The following CCDC171 variants were observed in gnomAD, a reference collection of about 807,000 sequenced individuals.
CCDC171 encodes coiled-coil domain containing 171, also known as coiled-coil domain-containing protein 171.
Under a neutral mutation model 168.2 loss-of-function variants are expected in CCDC171, and 177 were observed. That is an observed-to-expected ratio of 1.05 (90% CI 0.93 to 1.19). The LOEUF (loss-of-function observed/expected upper bound fraction) is 1.19, where lower values mean the gene tolerates loss of function less well. CCDC171 is among the 50% of genes most tolerant of loss of function. The pLI is 0.00. For synonymous variants in CCDC171, 687 were observed against 540.8 expected (o/e 1.27, Z -3.75); for missense variants, 1,991 against 1,539.0 (o/e 1.29, Z -4.91).
intron 16 of CCDC171, among the ~76,000 whole-genome samples, chr9:15,734,622 T>C (rs1430553260): frequency 6.6e-6 from 1 of 152,196 alleles, no homozygotes; most frequent in African/African-American, 2.4e-5. Context: ...TTATCAAATA[T>C]AATTGAATAC....
At chr9:16,042,719 T>G (rs746424377), upstream of CCDC171, 3 of 152,152 alleles carry the variant, frequency 2.0e-5, no homozygotes, top group Non-Finnish European at 4.4e-5. Flanking sequence ...TGATGGAGTT[T>G]ATGTCCAGGA....
chr9:15,729,687 T>C lies in CCDC171; in HGVS notation c.1938T>C (p.Phe646=), dbSNP rs1322683891. 6.2e-7 allele frequency: 1 copy of C among 1,613,386 alleles called. No individual in the cohort carries two copies. Among genetic ancestry groups the C allele is most frequent in the Admixed American group, 1.7e-5 (1 of 59,938 alleles). ...RELQQTQEDT[F]TKVAEQIKAQ... ...TTCAGCAGACTCAGGAAGACACCTT[T>C]ACCAAAGTGGCAGAACAGATCAAAG... The change falls in exon 16 of 26, where the codon TTT becomes TTC. Residue 646 remains phenylalanine (F), a synonymous_variant. Coordinates refer to ENST00000380701, the MANE Select transcript of CCDC171 (RefSeq NM_173550.4).
intron 1 of CCDC171, among the ~76,000 whole-genome samples, chr9:15,557,174 T>G (rs2132416004): frequency 6.6e-6 from 1 of 152,280 alleles, no homozygotes; most frequent in Non-Finnish European, 1.5e-5. Flanking sequence ...TCAGGTAGTG[T>G]GATGCCTCCA....
intron 7 of CCDC171, among the ~76,000 whole-genome samples, chr9:15,646,478 C>T (rs2132658737): frequency 6.6e-6 from 1 of 152,228 alleles, no homozygotes; most frequent in African/African-American, 2.4e-5. Flanking sequence ...AGATTCAAGA[C>T]CCATCAGTGT....
At chr9:15,650,959 T>C (rs2047466153) in intron 7 of CCDC171, among the ~76,000 whole-genome samples, 1 of 152,128 alleles carries the variant, frequency 6.6e-6, no homozygotes, top group Non-Finnish European at 1.5e-5. Context: ...GACTTATTCC[T>C]TCTAACTGTA....
chr9:15,563,872 T>G (rs1337096341), intron 1 of CCDC171, 106 bp from the exon 2 acceptor site: 1 of 502,148 alleles, frequency 2.0e-6, no homozygotes, highest in Non-Finnish European at 3.5e-6. Context: ...CACCTACAAT[T>G]TCACTTATCA....
chr9:15,577,999 T>A (rs1296422209), intron 3 of CCDC171, among the ~76,000 whole-genome samples: 1 of 152,202 alleles, frequency 6.6e-6, no homozygotes, highest in Non-Finnish European at 1.5e-5. Context: ...GATCACAAAT[T>A]CGATATTCGT....
At chr9:15,632,594 C>G (rs57094172) in intron 7 of CCDC171, among the ~76,000 whole-genome samples, 4,782 of 151,640 alleles carry the variant, frequency 0.032, 223 homozygotes, top group African/African-American at 0.11. Flanking sequence ...TGGCCATACT[C>G]CCCAAGGTAA....
chr9:15,633,592 C>T (rs942001143), intron 7 of CCDC171, among the ~76,000 whole-genome samples: 11 of 152,052 alleles, frequency 7.2e-5, no homozygotes, highest in African/African-American at 2.7e-4. Context: ...TAAACTAGTT[C>T]AACCCTTGTG....
chr9:15,770,620 T>C (rs1189452816), intron 18 of CCDC171, among the ~76,000 whole-genome samples: 2 of 152,164 alleles, frequency 1.3e-5, no homozygotes, highest in Non-Finnish European at 1.5e-5. Context: ...AAATGGGAGT[T>C]ATTGATTCTT....
intron 24 of CCDC171, chr9:15,886,064 G>T (rs1489714355): frequency 1.3e-5 from 2 of 151,902 alleles, no homozygotes; most frequent in East Asian, 3.9e-4. Context: ...TTTTATTTAG[G>T]ATATCCACAT....
intron 10 of CCDC171, among the ~76,000 whole-genome samples, chr9:15,691,543 T>TA (rs60514467): frequency 0.044 from 3,424 of 77,062 alleles, 208 homozygotes; most frequent in African/African-American, 0.14. Flanking sequence ...AAATATATGT[T>TA]TTTTATATAT....
intron 21 of CCDC171, among the ~76,000 whole-genome samples, chr9:15,793,502 A>T (rs7466716): frequency 0.46 from 68,246 of 149,496 alleles, 15,943 homozygotes; most frequent in East Asian, 0.66. Flanking sequence ...TCCACCCGAA[A>T]TCAACAGAAT....
chr9:15,639,633 C>T (rs1190762743), intron 7 of CCDC171, among the ~76,000 whole-genome samples: 1 of 151,994 alleles, frequency 6.6e-6, no homozygotes, highest in Non-Finnish European at 1.5e-5. Context: ...GCCTATTGTC[C>T]TCATATATCC....
At chr9:16,078,506 A>C in the CCDC171 span, among the ~76,000 whole-genome samples, 1 of 152,194 alleles carries the variant, frequency 6.6e-6, no homozygotes. Context: ...CAGGAAGTCC[A>C]CTTGGCCTCT....
At chr9:16,092,485 C>T in the CCDC171 span, among the ~76,000 whole-genome samples, 4 of 152,172 alleles carry the variant, frequency 2.6e-5, no homozygotes, top group South Asian at 2.1e-4. Flanking sequence ...TGCTCCACTT[C>T]CCCCTTTGTT....
intron 24 of CCDC171, among the ~76,000 whole-genome samples, chr9:15,892,789 C>T (rs1256227595): frequency 2.6e-5 from 4 of 152,036 alleles, no homozygotes; most frequent in African/African-American, 9.7e-5. Context: ...TCAGAAAGGA[C>T]ACAAACAAAT....
At chr9:15,660,236 T>G (rs1051222957) in intron 8 of CCDC171, among the ~76,000 whole-genome samples, 1 of 152,248 alleles carries the variant, frequency 6.6e-6, no homozygotes, top group Non-Finnish European at 1.5e-5. Context: ...CATACTTTTC[T>G]TTAAGATCAG....
intron 16 of CCDC171, among the ~76,000 whole-genome samples, chr9:15,730,832 A>G (rs972916246): frequency 2.0e-5 from 3 of 151,932 alleles, no homozygotes; most frequent in Non-Finnish European, 4.4e-5. Flanking sequence ...TGCATTTTCT[A>G]ATATTGAAGT....
Sources: gnomAD v4.1 joint callset for allele counts (sites outside exome capture counted in the v4.1 genomes callset) on GRCh38, gnomAD v4.1.1 for gene constraint, MANE v1.5 for transcripts, NCBI Gene and HGNC (gene_info 2026-07-23, HGNC 2026-07-21) for gene names.